The following CHST9 variants were observed in gnomAD, a reference collection of about 807,000 sequenced individuals.
The protein encoded by CHST9 is GalNAc-4-sulfotransferase 2.
A neutral mutation model predicts 44.4 loss-of-function variants in CHST9; 41 were observed. The ratio of observed to expected loss-of-function variants is 0.92; its 90% confidence interval spans 0.72 to 1.20. The LOEUF is 1.20. Ranked by LOEUF, CHST9 falls within the 50% of genes most tolerant of loss-of-function variation. The probability of loss-of-function intolerance (pLI) is 0.00; values close to 1 mark genes in which losing one functional copy is unlikely to be tolerated. For missense variants in CHST9, 504 were observed against 516.5 expected (o/e 0.98, Z 0.23); for synonymous variants, 171 against 178.4 (o/e 0.96, Z 0.33).
At chr18:27,091,726 C>A (rs1478064962) in intron 2 of CHST9, among the ~76,000 whole-genome samples, 3 of 152,088 alleles carry the variant, frequency 2.0e-5, no homozygotes, top group Non-Finnish European at 2.9e-5. Context: ...GTCATTGTTC[C>A]TGTTTATATG....
chr18:27,079,983 C>T lies in CHST9; in HGVS notation c.122-31480G>A, dbSNP rs76003729. ...CTTTGCTTAATCACATCTGCAAAGCCCTTTTTCCCATGTAAGGTTACAGAG... is the reference window on the plus strand; with the variant it reads ...CTTTGCTTAATCACATCTGCAAAGCTCTTTTTCCCATGTAAGGTTACAGAG... On this transcript the variant is annotated intron_variant, in intron 2 of 5. Coordinates refer to ENST00000618847, the MANE Select transcript of CHST9 (RefSeq NM_031422.6). Among the ~76,000 whole-genome samples the T allele has an allele frequency of 9.7e-3, 1,473 of 152,182 alleles. 24 individuals carry two copies. Among genetic ancestry groups the T allele is most frequent in the African/African-American group, 0.034 (1,415 of 41,506 alleles).
chr18:26,932,512 A>T (rs1036658475), intron 5 of CHST9, among the ~76,000 whole-genome samples: 5 of 152,130 alleles, frequency 3.3e-5, no homozygotes, highest in Non-Finnish European at 5.9e-5. Flanking sequence ...AGAACAAGCC[A>T]GCACTTGTGG....
chr18:27,030,608 G>T (rs906357614), intron 3 of CHST9, among the ~76,000 whole-genome samples: 1 of 152,204 alleles, frequency 6.6e-6, no homozygotes, highest in Non-Finnish European at 1.5e-5. Flanking sequence ...GTGCACTGCC[G>T]GCTGCCGGGT....
intron 4 of CHST9, among the ~76,000 whole-genome samples, chr18:27,013,078 C>CT (rs1337935141): frequency 1.3e-5 from 2 of 152,090 alleles, no homozygotes; most frequent in African/African-American, 4.8e-5. Flanking sequence ...ACTGTATGAG[C>CT]TTGGGTAGGG....
At position 26,914,774 on chromosome 18, in the gene CHST9, A is replaced by G. The variant is rs190549795; in HGVS notation, c.*1485T>C. The G allele has an allele frequency of 7.6e-6, 3 of 394,548 alleles. No homozygotes were observed. The highest frequency in any genetic ancestry group is 1.3e-5 in the Non-Finnish European group (3 of 223,674). 24.4% of individuals were successfully genotyped at this position (394,548 alleles called of 1,614,324 possible). ...CAACTATCTTGGTCTATTAACATTC[A>G]ACTATTAATACCTACTGTTCTTTGA... On this transcript the variant is annotated 3_prime_UTR_variant, in exon 6 of 6. Coordinates refer to ENST00000618847, the MANE Select transcript of CHST9 (RefSeq NM_031422.6).
intron 3 of CHST9, 90 bp downstream of exon 3, chr18:27,048,375 G>T: frequency 1.1e-6 from 1 of 927,870 alleles, no homozygotes; most frequent in Non-Finnish European, 1.7e-6. Flanking sequence ...ATTAATTTTA[G>T]TGTGAATTTT....
chr18:26,919,165 C>T (rs974232236), intron 5 of CHST9, among the ~76,000 whole-genome samples: 2 of 152,154 alleles, frequency 1.3e-5, no homozygotes, highest in African/African-American at 4.8e-5. Flanking sequence ...TCCCATGACA[C>T]GTGGGGATTA....
At chr18:26,940,203 A>T (rs1244277508) in intron 5 of CHST9, among the ~76,000 whole-genome samples, 2 of 151,316 alleles carry the variant, frequency 1.3e-5, no homozygotes, top group Non-Finnish European at 3.0e-5. Flanking sequence ...TGGTCATGAA[A>T]CTTTAAAACA....
chr18:26,999,567 T>C (rs1598626951), intron 4 of CHST9, among the ~76,000 whole-genome samples: 1 of 152,292 alleles, frequency 6.6e-6, no homozygotes, highest in East Asian at 1.9e-4. Context: ...TTTTGTAAGA[T>C]GAAACTCAAT....
chr18:27,045,382 T>G (rs984145589), intron 3 of CHST9, among the ~76,000 whole-genome samples: 1 of 152,028 alleles, frequency 6.6e-6, no homozygotes, highest in African/African-American at 2.4e-5. Context: ...GCTGTGTTGC[T>G]TTCTAATATC....
intron 2 of CHST9, among the ~76,000 whole-genome samples, chr18:27,092,706 C>T (rs1450170395): frequency 6.6e-6 from 1 of 152,126 alleles, no homozygotes; most frequent in Non-Finnish European, 1.5e-5. Flanking sequence ...ATTATGTACC[C>T]AGTAGTCATT....
rs756657869 is a variant in CHST9 at position 26,906,918 on chromosome 18, C to T, written c.*9341G>A. On this transcript the variant is annotated 3_prime_UTR_variant, in exon 6 of 6. Coordinates refer to ENST00000618847, the MANE Select transcript of CHST9 (RefSeq NM_031422.6). ...CCAATGTTAGGGTATTATGTCCATTCTAGGCTGTTGGAGATTAAGCCAGGA... is the reference window on the plus strand; with the variant it reads ...CCAATGTTAGGGTATTATGTCCATTTTAGGCTGTTGGAGATTAAGCCAGGA... The T allele has an allele frequency of 2.6e-5, 4 of 152,200 alleles. No individual in the cohort carries two copies. The allele number at this position is 152,200 out of a possible 1,614,324, so 9.4% of individuals were successfully genotyped here. A position where few individuals can be genotyped will look rare whatever the true frequency, so the allele number is the denominator to read the frequency against.
At chr18:27,067,299 A>G (rs187422676) in intron 2 of CHST9, among the ~76,000 whole-genome samples, 21 of 152,152 alleles carry the variant, frequency 1.4e-4, no homozygotes, top group Non-Finnish European at 2.6e-4. Context: ...AGAGCAAAAC[A>G]TCTAGATCAA....
chr18:27,110,683 G>GTCTCCCAGCAGACATCCCCTCATGC (rs1422109614), intron 2 of CHST9, among the ~76,000 whole-genome samples: 5 of 152,302 alleles, frequency 3.3e-5, no homozygotes, highest in Admixed American at 3.3e-4. Flanking sequence ...GGTATGACAT[G>GTCTCCCAGCAGACATCCCCTCATGC]TCTCCCAGCA....
At chr18:26,969,694 A>G (rs922656629) in intron 4 of CHST9, among the ~76,000 whole-genome samples, 1 of 152,166 alleles carries the variant, frequency 6.6e-6, no homozygotes, top group African/African-American at 2.4e-5. Context: ...ATGAAGTGAA[A>G]TGAAGAAGAT....
intron 2 of CHST9, among the ~76,000 whole-genome samples, chr18:27,116,456 A>G (rs980728332): frequency 1.3e-5 from 2 of 152,192 alleles, no homozygotes; most frequent in Non-Finnish European, 2.9e-5. Flanking sequence ...TGAGCTCTCA[A>G]TTCCAATCCA....
rs2058788962 is a variant in CHST9 at position 27,166,209 on chromosome 18, A to C, written c.-97+18927T>G. Among the ~76,000 whole-genome samples, 3 of 152,060 alleles carry C rather than the reference A, an allele frequency of 2.0e-5. No individual in the cohort carries two copies. The South Asian group carries it at 6.2e-4, about 32-fold the overall frequency. ...AATAACTCATCTGTTCTGGTCTCAT[A>C]TTTCTCAATGCCTACTAGACATTTT... On this transcript the variant is annotated intron_variant, in intron 1 of 5. Transcript: ENST00000618847.
chr18:27,005,709 T>A (rs369678194), intron 4 of CHST9, among the ~76,000 whole-genome samples: 2 of 152,054 alleles, frequency 1.3e-5, no homozygotes, highest in East Asian at 3.9e-4. Context: ...TTGGTTTCCA[T>A]GGGGGAAGGG....
intron 1 of CHST9, among the ~76,000 whole-genome samples, chr18:27,179,578 C>T (rs973795075): frequency 6.6e-6 from 1 of 151,914 alleles, no homozygotes; most frequent in Non-Finnish European, 1.5e-5. Flanking sequence ...GTGCTATTGG[C>T]TTTTAGTGTA....
Sources: allele counts gnomAD v4.1 joint callset (sites outside exome capture counted in the v4.1 genomes callset), GRCh38; gene constraint gnomAD v4.1.1; transcripts MANE v1.5; gene names NCBI Gene and HGNC (gene_info 2026-07-23, HGNC 2026-07-21).